The following NDST3 variants were observed in gnomAD, a reference collection of about 807,000 sequenced individuals.
The protein encoded by NDST3 is N-deacetylase and N-sulfotransferase 3.
A neutral mutation model predicts 96.1 loss-of-function variants in NDST3; 58 were observed. The ratio of observed to expected loss-of-function variants is 0.60; its 90% confidence interval spans 0.49 to 0.75. NDST3 has a LOEUF of 0.75. Ranked by LOEUF, NDST3 falls within the 30% of genes least tolerant of loss-of-function variation. The pLI is 0.00. For missense variants in NDST3, 788 were observed against 1,034.2 expected (o/e 0.76, Z 3.27); for synonymous variants, 333 against 359.7 (o/e 0.93, Z 0.84).
intron 4 of NDST3, among the ~76,000 whole-genome samples, chr4:118,119,348 A>C (rs548266309): frequency 4.2e-4 from 64 of 152,346 alleles, no homozygotes; most frequent in Middle Eastern, 3.4e-3. Flanking sequence ...ACAATCTTTT[A>C]ATTAGTTTGC....
chr4:118,156,527 C>T (rs964162757), intron 6 of NDST3, among the ~76,000 whole-genome samples: 3 of 152,154 alleles, frequency 2.0e-5, no homozygotes, highest in Middle Eastern at 3.2e-3. Flanking sequence ...ATGTGTTTCC[C>T]ATGACTTCCC....
At chr4:118,079,814 G>A (rs765244579) in intron 2 of NDST3, among the ~76,000 whole-genome samples, 4 of 152,152 alleles carry the variant, frequency 2.6e-5, no homozygotes, top group East Asian at 1.9e-4. Context: ...AAGTGATAGC[G>A]GTGGTAATAA....
At chr4:118,238,261 C>T (rs957981981) in intron 10 of NDST3, among the ~76,000 whole-genome samples, 5 of 151,804 alleles carry the variant, frequency 3.3e-5, no homozygotes, top group African/African-American at 1.2e-4. Flanking sequence ...AATTCTACAT[C>T]CCTGAGAGCC....
chr4:118,104,964 A>G (rs1297496779), intron 2 of NDST3, 54 bp from the exon 3 acceptor site: 1 of 1,466,846 alleles, frequency 6.8e-7, no homozygotes, highest in East Asian at 2.3e-5. Context: ...TATCTTTTGG[A>G]AACTTTTTAA....
intron 12 of NDST3, among the ~76,000 whole-genome samples, chr4:118,251,115 TA>T (rs1256443869): frequency 1.6e-4 from 22 of 136,388 alleles, no homozygotes; most frequent in Non-Finnish European, 2.8e-4. Context: ...TTTATTTATT[TA>T]TTATTTTTAT....
chr4:118,114,799 C>CCA lies in NDST3; in HGVS notation c.1070-6_1070-5insAC. 6.2e-7 allele frequency: 1 copy of CCA among 1,613,154 alleles called. No homozygotes were observed. Among genetic ancestry groups the CCA allele is most frequent in the Non-Finnish European group, 8.5e-7 (1 of 1,179,490 alleles). ...GAATTAATTGGATAATATTTCCCCC[C>CCA]CTAAAGGAACTGAAGAGGAAGATGA... On this transcript the variant is annotated splice_polypyrimidine_tract_variant and splice_region_variant and intron_variant, in intron 3 of 13. Coordinates refer to ENST00000296499, the MANE Select transcript of NDST3 (RefSeq NM_004784.3).
intron 1 of NDST3, among the ~76,000 whole-genome samples, chr4:118,036,411 C>T (rs1343971428): frequency 6.6e-6 from 1 of 151,930 alleles, no homozygotes; most frequent in Non-Finnish European, 1.5e-5. Context: ...TAAATGAATG[C>T]CTTGAATTTC....
At chr4:118,156,908 A>C (rs1433174716) in intron 6 of NDST3, among the ~76,000 whole-genome samples, 1 of 152,204 alleles carries the variant, frequency 6.6e-6, no homozygotes, top group Non-Finnish European at 1.5e-5. Context: ...TCTACATAGC[A>C]CTTGCTCTTT....
intron 6 of NDST3, among the ~76,000 whole-genome samples, chr4:118,220,723 C>T (rs1739483175): frequency 6.6e-6 from 1 of 152,040 alleles, no homozygotes; most frequent in Admixed American, 6.6e-5. Flanking sequence ...ACACATCTGT[C>T]AGCAGTACAG....
intron 6 of NDST3, 79 bp downstream of exon 6, chr4:118,143,763 T>G (rs1578719545): frequency 1.4e-6 from 2 of 1,445,208 alleles, no homozygotes. Flanking sequence ...GGCTAGGGAT[T>G]GGGCAGTCAT....
At chr4:118,193,743 C>A in intron 6 of NDST3, 1 of 1,416,460 alleles carries the variant, frequency 7.1e-7, no homozygotes, top group Non-Finnish European at 9.9e-7. Flanking sequence ...CTGCCCAGTT[C>A]CAGGGCCTTG....
intron 2 of NDST3, among the ~76,000 whole-genome samples, chr4:118,073,190 T>G (rs1578583004): frequency 1.3e-5 from 2 of 152,100 alleles, no homozygotes; most frequent in East Asian, 3.9e-4. Flanking sequence ...AAGTTTTCTT[T>G]TTTACTGTAT....
At chr4:118,243,268 A>T (rs976723714) in intron 12 of NDST3, among the ~76,000 whole-genome samples, 1 of 152,194 alleles carries the variant, frequency 6.6e-6, no homozygotes. Context: ...ACCTTTCAAC[A>T]AACTTTGCAG....
chr4:118,057,936 G>A (rs942268526), intron 2 of NDST3, among the ~76,000 whole-genome samples: 10 of 151,996 alleles, frequency 6.6e-5, no homozygotes, highest in African/African-American at 1.7e-4. Context: ...TTGCTAAAAC[G>A]TAGAGTCCAA....
intron 2 of NDST3, among the ~76,000 whole-genome samples, chr4:118,056,287 T>C (rs1725424524): frequency 6.6e-6 from 1 of 151,906 alleles, no homozygotes; most frequent in African/African-American, 2.4e-5. Context: ...GAGTTTTGTA[T>C]GTAGCCCCCT....
At chr4:118,215,392 T>C (rs1159934644) in intron 6 of NDST3, among the ~76,000 whole-genome samples, 1 of 152,122 alleles carries the variant, frequency 6.6e-6, no homozygotes, top group African/African-American at 2.4e-5. Context: ...TATCCATATG[T>C]AGCTACGAGG....
chr4:118,108,103 T>G (rs1730350579), intron 3 of NDST3, among the ~76,000 whole-genome samples: 1 of 152,152 alleles, frequency 6.6e-6, no homozygotes, highest in South Asian at 2.1e-4. Context: ...TAAAATCTCG[T>G]GAGACTTCTC....
At chr4:118,240,793 T>C in intron 11 of NDST3, 99 bp downstream of exon 11, 1 of 1,136,886 alleles carries the variant, frequency 8.8e-7, no homozygotes, top group Non-Finnish European at 1.2e-6. Context: ...CTATTACTAG[T>C]TTTTCCTCTT....
intron 6 of NDST3, among the ~76,000 whole-genome samples, chr4:118,188,878 G>T (rs1047124095): frequency 1.3e-5 from 2 of 152,064 alleles, no homozygotes; most frequent in Admixed American, 1.3e-4. Flanking sequence ...ATTAACTGTA[G>T]AAATGACTTT....
Sources: gnomAD v4.1 joint callset for allele counts (sites outside exome capture counted in the v4.1 genomes callset) on GRCh38, gnomAD v4.1.1 for gene constraint, MANE v1.5 for transcripts, NCBI Gene and HGNC (gene_info 2026-07-23, HGNC 2026-07-21) for gene names.